IMMP2L: variants seen among roughly 807,000 people sequenced by gnomAD.
IMMP2L encodes the protein mitochondrial inner membrane protease subunit 2.
A neutral mutation model predicts 19.3 loss-of-function variants in IMMP2L; 18 were observed. The ratio of observed to expected loss-of-function variants is 0.93; its 90% CI spans 0.64 to 1.38. The LOEUF (loss-of-function observed/expected upper bound fraction) is 1.38. Among genes scored for constraint, IMMP2L ranks in the 40% most tolerant of loss-of-function variants. The pLI is 0.00. For synonymous variants in IMMP2L, 76 were observed against 73.0 expected (o/e 1.04, Z -0.21); for missense variants, 233 against 218.2 (o/e 1.07, Z -0.43).
chr7:111,064,515 G>T (rs1794313523), intron 3 of IMMP2L, among the ~76,000 whole-genome samples: 1 of 152,064 alleles, frequency 6.6e-6, no homozygotes, highest in East Asian at 1.9e-4. Context: ...CCATATCTAG[G>T]ATTCATGGGT....
At chr7:110,825,548 C>T (rs188869560) in intron 5 of IMMP2L, among the ~76,000 whole-genome samples, 1 of 152,114 alleles carries the variant, frequency 6.6e-6, no homozygotes, top group Non-Finnish European at 1.5e-5. Context: ...CTACAACCAT[C>T]TGATCTTTGA....
intron 3 of IMMP2L, among the ~76,000 whole-genome samples, chr7:111,237,132 GAATA>G (rs1814422800): frequency 6.6e-6 from 1 of 152,110 alleles, no homozygotes; most frequent in Non-Finnish European, 1.5e-5. Flanking sequence ...CTAGTTGATG[GAATA>G]AATATTTCCA....
intron 3 of IMMP2L, among the ~76,000 whole-genome samples, chr7:111,227,090 G>A (rs1586924094): frequency 6.6e-6 from 1 of 152,018 alleles, no homozygotes; most frequent in African/African-American, 2.4e-5. Context: ...TGAATAAGAA[G>A]GGGTGGGTTG....
chr7:110,893,373 T>C (rs1399086174), intron 4 of IMMP2L, among the ~76,000 whole-genome samples: 3 of 152,174 alleles, frequency 2.0e-5, no homozygotes, highest in Non-Finnish European at 4.4e-5. Context: ...TGACTGTAAA[T>C]GGGAACACAC....
chr7:111,521,485 T>C, intron 1 of IMMP2L, 36 bp from the exon 2 acceptor site: 1 of 1,558,278 alleles, frequency 6.4e-7, no homozygotes. Flanking sequence ...GAAATTAGTC[T>C]CAAGAAAGGT....
chr7:110,982,035 G>GC (rs1821357463), intron 3 of IMMP2L, among the ~76,000 whole-genome samples: 1 of 152,122 alleles, frequency 6.6e-6, no homozygotes, highest in South Asian at 2.1e-4. Flanking sequence ...TTAAGGTGAA[G>GC]CATACATTGC....
At chr7:110,976,781 A>G (rs1334083563) in intron 3 of IMMP2L, among the ~76,000 whole-genome samples, 1 of 152,016 alleles carries the variant, frequency 6.6e-6, no homozygotes, top group Non-Finnish European at 1.5e-5. Flanking sequence ...TGAAAATTCT[A>G]TGAAATTGAA....
intron 3 of IMMP2L, among the ~76,000 whole-genome samples, chr7:111,239,267 A>G (rs571368809): frequency 6.6e-6 from 1 of 151,986 alleles, no homozygotes; most frequent in South Asian, 2.1e-4. Context: ...TATTTTCCTT[A>G]CACATATGTC....
intron 3 of IMMP2L, among the ~76,000 whole-genome samples, chr7:111,260,495 G>A (rs1278980161): frequency 6.6e-6 from 1 of 152,072 alleles, no homozygotes; most frequent in African/African-American, 2.4e-5. Flanking sequence ...ATGGTACAAG[G>A]TAATTCATTT....
intron 5 of IMMP2L, among the ~76,000 whole-genome samples, chr7:110,860,375 T>C (rs1440794335): frequency 1.3e-5 from 2 of 152,126 alleles, no homozygotes; most frequent in African/African-American, 4.8e-5. Context: ...AGTACATTCT[T>C]GGAGCCCTTA....
At chr7:111,355,729 A>G (rs1283711755) in intron 3 of IMMP2L, among the ~76,000 whole-genome samples, 1 of 151,982 alleles carries the variant, frequency 6.6e-6, no homozygotes, top group Non-Finnish European at 1.5e-5. Context: ...CTACTCTCTG[A>G]GCAATGATCC....
intron 5 of IMMP2L, among the ~76,000 whole-genome samples, chr7:110,687,039 G>A (rs1793165127): frequency 6.6e-6 from 1 of 151,992 alleles, no homozygotes; most frequent in South Asian, 2.1e-4. Context: ...CCCTGAACAA[G>A]TTCCATACAA....
At chr7:111,218,457 A>G (rs1182055219) in intron 3 of IMMP2L, among the ~76,000 whole-genome samples, 1 of 122,302 alleles carries the variant, frequency 8.2e-6, no homozygotes, top group Non-Finnish European at 1.9e-5. Context: ...AAGTTTTATC[A>G]GTTTTTTTTT....
intron 5 of IMMP2L, among the ~76,000 whole-genome samples, chr7:110,885,874 G>A (rs996985560): frequency 6.6e-6 from 1 of 151,892 alleles, no homozygotes; most frequent in African/African-American, 2.4e-5. Flanking sequence ...GGGCGCAGAG[G>A]GGCTTCTGTA....
intron 5 of IMMP2L, among the ~76,000 whole-genome samples, chr7:110,826,408 T>C (rs1345579649): frequency 6.6e-6 from 1 of 152,168 alleles, no homozygotes; most frequent in Admixed American, 6.5e-5. Context: ...TGTGGCACTA[T>C]TCACAATAGC....
chr7:110,878,605 C>T (rs2129544655), intron 5 of IMMP2L, among the ~76,000 whole-genome samples: 2 of 151,980 alleles, frequency 1.3e-5, no homozygotes, highest in South Asian at 2.1e-4. Context: ...TTATTTTAAT[C>T]CTTCATATCA....
At chr7:110,740,876 AC>A (rs1232263045) in intron 5 of IMMP2L, among the ~76,000 whole-genome samples, 1 of 151,994 alleles carries the variant, frequency 6.6e-6, no homozygotes. Flanking sequence ...CACATTCTGT[AC>A]ATGTAACCCA....
chr7:111,550,365 A>G (rs1428129931), intron 1 of IMMP2L, among the ~76,000 whole-genome samples: 2 of 152,162 alleles, frequency 1.3e-5, no homozygotes, highest in Non-Finnish European at 2.9e-5. Context: ...GTATACTATA[A>G]GCATACATAC....
chr7:111,086,678 A>G (rs1320332154), intron 3 of IMMP2L, among the ~76,000 whole-genome samples: 1 of 152,188 alleles, frequency 6.6e-6, no homozygotes, highest in Non-Finnish European at 1.5e-5. Context: ...CAAAGGACAA[A>G]GTCATTGAAG....
Sources: allele counts gnomAD v4.1 joint callset (sites outside exome capture counted in the v4.1 genomes callset), GRCh38; gene constraint gnomAD v4.1.1; transcripts MANE v1.5; gene names NCBI Gene and HGNC (gene_info 2026-07-23, HGNC 2026-07-21).